The following TTC7B variants were observed in gnomAD, a reference collection of about 807,000 sequenced individuals.
TTC7B encodes tetratricopeptide repeat domain 7B.
TTC7B carries 28 observed loss-of-function variants against 106.8 expected under a neutral mutation model. The ratio of observed to expected loss-of-function variants is 0.26; its 90% confidence interval spans 0.19 to 0.36. The LOEUF (loss-of-function observed/expected upper bound fraction) is 0.36, where lower values mean the gene tolerates loss of function less well. Ranked by LOEUF, TTC7B falls within the 10% of genes least tolerant of loss-of-function variation. The pLI, the probability that TTC7B is intolerant of heterozygous loss-of-function variation, is 1.00. For synonymous variants in TTC7B, 405 were observed against 430.6 expected (o/e 0.94, Z 0.74); for missense variants, 862 against 1,076.4 (o/e 0.80, Z 2.79).
At chr14:90,798,307 T>C (rs532101665) in intron 1 of TTC7B, among the ~76,000 whole-genome samples, 1 of 152,176 alleles carries the variant, frequency 6.6e-6, no homozygotes, top group East Asian at 1.9e-4. Context: ...CCCAGAATCA[T>C]GAGAAATAAT....
chr14:90,711,369 AC>A (rs1209514052), intron 5 of TTC7B, among the ~76,000 whole-genome samples: 1 of 152,240 alleles, frequency 6.6e-6, no homozygotes, highest in African/African-American at 2.4e-5. Flanking sequence ...GTCAATACTA[AC>A]TTGAAGTTGA....
Position 90,570,537 on chromosome 14 carries a change from A to G in TTC7B, c.2310+7569T>C, listed in dbSNP as rs1439695635. 1.3e-5 allele frequency among the ~76,000 whole-genome samples: 2 copies of G among 152,130 alleles called. No homozygotes were observed. The highest frequency in any genetic ancestry group is 2.9e-5 in the Non-Finnish European group (2 of 68,004). On this transcript the variant is annotated intron_variant, in intron 19 of 19. Coordinates refer to ENST00000328459, the MANE Select transcript of TTC7B (RefSeq NM_001010854.2). The surrounding 1 kb of genome is among the most constrained non-coding windows in gnomAD (Gnocchi z 4.0). The stretch of plus-strand genomic sequence containing the variant: ...AAACCAGGGCCCTGGCTCTGCAGAA[A>G]CAGGCAGCAAGTCACACTCAAAAGC...
intron 4 of TTC7B, among the ~76,000 whole-genome samples, chr14:90,733,038 T>C (rs1889384434): frequency 1.3e-5 from 2 of 152,152 alleles, no homozygotes; most frequent in Non-Finnish European, 2.9e-5. Context: ...TTCCACAAAG[T>C]CAGAGGCCAC....
intron 1 of TTC7B, among the ~76,000 whole-genome samples, chr14:90,794,668 A>C (rs1038896897): frequency 6.6e-6 from 1 of 152,148 alleles, no homozygotes; most frequent in African/African-American, 2.4e-5. Flanking sequence ...CAGGGAAGTT[A>C]CAATCTCATT....
chr14:90,716,630 G>A (rs1008716493), intron 5 of TTC7B, among the ~76,000 whole-genome samples: 5 of 152,112 alleles, frequency 3.3e-5, no homozygotes, highest in Non-Finnish European at 7.4e-5. Flanking sequence ...TAATTTACTA[G>A]CTCAAAATGT....
At chr14:90,776,053 G>A (rs1891016847) in intron 3 of TTC7B, among the ~76,000 whole-genome samples, 2 of 151,672 alleles carry the variant, frequency 1.3e-5, no homozygotes, top group African/African-American at 4.9e-5. Context: ...CAGAAAAGAA[G>A]GCCACAGAAA....
At chr14:90,770,504 A>G (rs1278540862) in intron 3 of TTC7B, among the ~76,000 whole-genome samples, 2 of 152,120 alleles carry the variant, frequency 1.3e-5, no homozygotes, top group Non-Finnish European at 2.9e-5. Context: ...TAAAAATACA[A>G]AATTAGCTGG....
At chr14:90,585,845 G>T (rs115561877) in intron 18 of TTC7B, 1 of 152,374 alleles carries the variant, frequency 6.6e-6, no homozygotes, top group African/African-American at 2.4e-5. Flanking sequence ...ACCCACACCA[G>T]ATGGCATCCA....
At chr14:90,732,531 C>T (rs190209184) in intron 4 of TTC7B, among the ~76,000 whole-genome samples, 1 of 152,328 alleles carries the variant, frequency 6.6e-6, no homozygotes, top group African/African-American at 2.4e-5. Context: ...GTGTGTGCCA[C>T]CATACTCGGC....
chr14:90,551,135 G>A (rs1890062294), intron 19 of TTC7B, among the ~76,000 whole-genome samples: 2 of 152,320 alleles, frequency 1.3e-5, no homozygotes, highest in South Asian at 4.1e-4. Context: ...CTCTTACAGA[G>A]GAGAAAACAG....
chr14:90,804,040 A>G (rs978308985), intron 1 of TTC7B, among the ~76,000 whole-genome samples: 1 of 152,232 alleles, frequency 6.6e-6, no homozygotes, highest in Non-Finnish European at 1.5e-5. Context: ...CAGAGAGCCA[A>G]AAGAAAGAGC....
In TTC7B at chr14:90,730,114, G is replaced by A. The variant is rs1889269004; in HGVS notation, c.659C>T (p.Thr220Ile). 1 of 1,613,752 alleles carries A rather than the reference G, an allele frequency of 6.2e-7. No homozygotes were observed. Among genetic ancestry groups the A allele is most frequent in the South Asian group, 1.1e-5 (1 of 91,020 alleles). ...HDQELGFFLETGLQRAHVLYF... is the reference protein window; with the variant it reads ...HDQELGFFLEIGLQRAHVLYF... ...GAGGACATGGGCTCTCTGAAGTCCTGTTTCTAGGAAAAAACCTAGTTCTTG... is the reference window on the plus strand; with the variant it reads ...GAGGACATGGGCTCTCTGAAGTCCTATTTCTAGGAAAAAACCTAGTTCTTG... Residue 220 changes from threonine (T) to isoleucine (I), a missense_variant, in exon 5 of 20, where the codon ACA becomes ATA. Thr to Ile is a moderately conservative substitution (Grantham distance 89). Transcript: ENST00000328459.
At chr14:90,581,752 G>GCCA (rs1383747722) in intron 18 of TTC7B, among the ~76,000 whole-genome samples, 1 of 152,200 alleles carries the variant, frequency 6.6e-6, no homozygotes, top group African/African-American at 2.4e-5. Context: ...ATGCCAATAA[G>GCCA]ACTGTGTGCA....
At chr14:90,799,807 T>G (rs1031551372) in intron 1 of TTC7B, among the ~76,000 whole-genome samples, 4 of 152,046 alleles carry the variant, frequency 2.6e-5, no homozygotes, top group Admixed American at 1.3e-4. Flanking sequence ...AGCAGGGAGA[T>G]GAAATGCTCT....
intron 16 of TTC7B, among the ~76,000 whole-genome samples, chr14:90,616,886 A>G (rs1893104137): frequency 1.3e-5 from 2 of 152,218 alleles, no homozygotes; most frequent in South Asian, 4.1e-4. Flanking sequence ...GCATGATATC[A>G]GCTGACCAGA....
At chr14:90,744,178 C>A (rs1256918029) in intron 4 of TTC7B, among the ~76,000 whole-genome samples, 1 of 152,222 alleles carries the variant, frequency 6.6e-6, no homozygotes, top group Admixed American at 6.5e-5. Flanking sequence ...TGAAGCTCAA[C>A]CCATTTTATT....
intron 17 of TTC7B, among the ~76,000 whole-genome samples, chr14:90,599,174 A>G (rs139103518): frequency 6.6e-6 from 1 of 152,310 alleles, no homozygotes; most frequent in East Asian, 1.9e-4. Flanking sequence ...AGACAAAGGA[A>G]AAAGCATAAC....
At chr14:90,699,292 C>G (rs150906641) in intron 5 of TTC7B, 544 of 443,950 alleles carry the variant, frequency 1.2e-3, no homozygotes, top group Middle Eastern at 2.7e-3. Context: ...AATGGAAAAC[C>G]AAGGCTAGAG....
intron 19 of TTC7B, among the ~76,000 whole-genome samples, chr14:90,556,334 T>C (rs1890305270): frequency 6.6e-6 from 1 of 152,090 alleles, no homozygotes; most frequent in Admixed American, 6.6e-5. Flanking sequence ...TTAAATCACG[T>C]GCTTTGAGGC....
Sources: gnomAD v4.1 joint callset for allele counts (sites outside exome capture counted in the v4.1 genomes callset) on GRCh38, gnomAD v4.1.1 for gene constraint, Gnocchi (gnomAD v3.1) non-coding constraint, MANE v1.5 for transcripts, NCBI Gene and HGNC (gene_info 2026-07-23, HGNC 2026-07-21) for gene names.